Variants in ASXL1 observed in about 807,000 individuals in gnomAD.
ASXL1 encodes ASXL transcriptional regulator 1.
Under a neutral mutation model 89.1 loss-of-function variants are expected in ASXL1, and 65 were observed. The observed-to-expected ratio is 0.73, with a 90% CI of 0.60 to 0.90. ASXL1 has a LOEUF of 0.90. Ranked by LOEUF, ASXL1 falls within the 40% of genes least tolerant of loss-of-function variation. The pLI is 0.00. For missense variants in ASXL1, 1,786 were observed against 1,942.9 expected (o/e 0.92, Z 1.52); for synonymous variants, 739 against 746.9 (o/e 0.99, Z 0.17).
At chr20:32,404,453 A>C (rs2048922546) in intron 4 of ASXL1, among the ~76,000 whole-genome samples, 1 of 152,184 alleles carries the variant, frequency 6.6e-6, no homozygotes, top group South Asian at 2.1e-4. Flanking sequence ...CTGATTGCTA[A>C]TATATAGACA....
In ASXL1 at chr20:32,434,430, A is replaced by G. The variant is rs376029425; in HGVS notation, c.1720-2A>G. The G allele has an allele frequency of 2.5e-6, 4 of 1,613,718 alleles. No individual in the cohort carries two copies. Among genetic ancestry groups the G allele is most frequent in the Non-Finnish European group, 8.5e-7 (1 of 1,180,012 alleles). ...AACTATTTTCTAATTCTTTTTTTGC[A>G]GATTCAACTTTCACGTATCAAACCA... is the stretch of plus-strand genomic sequence containing the variant. On this transcript the variant is annotated splice_acceptor_variant, in intron 12 of 12. Coordinates refer to ENST00000375687, the MANE Select transcript of ASXL1 (RefSeq NM_015338.6). LOFTEE classifies it high-confidence loss of function.
At chr20:32,421,316 A>G (rs1489047837) in intron 4 of ASXL1, among the ~76,000 whole-genome samples, 2 of 152,094 alleles carry the variant, frequency 1.3e-5, no homozygotes, top group Admixed American at 6.5e-5. Context: ...AATCATTGAA[A>G]TCTAGCACTC....
At chr20:32,410,995 GCAC>G (rs2049031719) in intron 4 of ASXL1, among the ~76,000 whole-genome samples, 3 of 133,696 alleles carry the variant, frequency 2.2e-5, no homozygotes, top group Non-Finnish European at 3.1e-5. Flanking sequence ...TCGTGCCACT[GCAC>G]TCCAGCCTGG....
chr20:32,414,160 C>A (rs949163162), intron 4 of ASXL1, among the ~76,000 whole-genome samples: 2 of 152,078 alleles, frequency 1.3e-5, no homozygotes, highest in African/African-American at 4.8e-5. Flanking sequence ...CTTTTTCATT[C>A]ATTATGCTGA....
chr20:32,392,560 C>T (rs868718114), intron 4 of ASXL1, among the ~76,000 whole-genome samples: 59 of 144,494 alleles, frequency 4.1e-4, no homozygotes, highest in African/African-American at 1.2e-3. Context: ...AAGGCCGAGG[C>T]GGGCAGATCA....
At chr20:32,407,143 AT>A (rs2048968504) in intron 4 of ASXL1, among the ~76,000 whole-genome samples, 1 of 152,162 alleles carries the variant, frequency 6.6e-6, no homozygotes, top group Non-Finnish European at 1.5e-5. Context: ...GGAGTTTGAG[AT>A]TAGCCTGGTC....
At chr20:32,387,730 C>G (rs1007767787) in intron 4 of ASXL1, among the ~76,000 whole-genome samples, 1 of 152,170 alleles carries the variant, frequency 6.6e-6, no homozygotes, top group Admixed American at 6.5e-5. Context: ...CTTTGCTTCT[C>G]CATTTGTTTC....
At chr20:32,413,245 A>G (rs1416616471) in intron 4 of ASXL1, among the ~76,000 whole-genome samples, 3 of 152,234 alleles carry the variant, frequency 2.0e-5, no homozygotes, top group African/African-American at 4.8e-5. Context: ...TACAAAAAGA[A>G]ACACAAGAAG....
In ASXL1 at chr20:32,434,481, C is replaced by CT; in HGVS notation, c.1771dup (p.Tyr591LeufsTer28). ...CCCTGGGTGGTTAAAGGTCAGCCCACTTACCAGATATGCCCCCGGATCATC... is the reference window on the plus strand; with the variant it reads ...CCCTGGGTGGTTAAAGGTCAGCCCACTTTACCAGATATGCCCCCGGATCATC... On this transcript the variant is annotated frameshift_variant, in exon 13 of 13. Coordinates refer to ENST00000375687, the MANE Select transcript of ASXL1 (RefSeq NM_015338.6). LOFTEE classifies it low-confidence loss of function (END_TRUNC). The CT allele has an allele frequency of 1.2e-6, 2 of 1,614,142 alleles. No homozygotes were observed. The highest frequency in any genetic ancestry group is 8.5e-7 in the Non-Finnish European group (1 of 1,180,030).
At chr20:32,412,302 G>A (rs1294424962) in intron 4 of ASXL1, among the ~76,000 whole-genome samples, 1 of 152,140 alleles carries the variant, frequency 6.6e-6, no homozygotes, top group African/African-American at 2.4e-5. Context: ...CTCAGTTTTA[G>A]TATAAACACT....
intron 1 of ASXL1, among the ~76,000 whole-genome samples, chr20:32,365,712 G>A (rs1272625829): frequency 6.6e-6 from 1 of 152,192 alleles, no homozygotes; most frequent in African/African-American, 2.4e-5. Context: ...TATAGGTGAT[G>A]CTAACATAAA....
chr20:32,439,147 A>T lies in ASXL1; in HGVS notation c.*1809A>T. The T allele has an allele frequency of 4.3e-6, 1 of 233,596 alleles. No individual in the cohort carries two copies. The highest frequency in any genetic ancestry group is 8.5e-6 in the Non-Finnish European group (1 of 117,994). 14.5% of individuals were successfully genotyped at this position (233,596 alleles called of 1,614,324 possible). On this transcript the variant is annotated 3_prime_UTR_variant, in exon 13 of 13. Transcript: ENST00000375687. ...GTCAACTTAAGCGTCTGTTTACCAA[A>T]GACCGGGAACAGGGGCCCAAACATG...
chr20:32,361,111 G>A (rs1209639226), intron 1 of ASXL1, among the ~76,000 whole-genome samples: 1 of 152,142 alleles, frequency 6.6e-6, no homozygotes, highest in East Asian at 1.9e-4. Context: ...GACTTTGGGA[G>A]TCTGAGGTGG....
At position 32,429,158 on chromosome 20, in the gene ASXL1, C is replaced by A; in HGVS notation, c.472-180C>A. 3.0e-6 allele frequency: 2 copies of A among 665,414 alleles called. No homozygotes were observed. The highest frequency in any genetic ancestry group is 1.7e-5 in the South Asian group (1 of 60,002). The allele number at this position is 665,414 out of a possible 1,614,324, so 41.2% of individuals were successfully genotyped here. A position where few individuals can be genotyped will look rare whatever the true frequency, so the allele number is the denominator to read the frequency against. ...TTTTGTAGCTTGGAATGATGCTTGG[C>A]ACAGTGACCAGCACGTAGCTCAGTA... is the stretch of plus-strand genomic sequence containing the variant. On this transcript the variant is annotated intron_variant, in intron 6 of 12. Coordinates refer to ENST00000375687, the MANE Select transcript of ASXL1 (RefSeq NM_015338.6). The surrounding 1 kb of genome is among the most constrained non-coding windows in gnomAD (Gnocchi z 4.9).
intron 4 of ASXL1, among the ~76,000 whole-genome samples, chr20:32,370,853 C>T (rs2122847841): frequency 6.6e-6 from 1 of 150,890 alleles, no homozygotes; most frequent in East Asian, 2.0e-4. Flanking sequence ...CCACTGAGCC[C>T]AAAACCTAGC....
intron 1 of ASXL1, among the ~76,000 whole-genome samples, chr20:32,361,046 C>T (rs2048101477): frequency 6.6e-6 from 1 of 151,730 alleles, no homozygotes; most frequent in African/African-American, 2.4e-5. Flanking sequence ...CGCGCCCAGC[C>T]TATGAGTAGG....
chr20:32,359,041 G>GCGCCCCCCC (rs1370445899), intron 1 of ASXL1: 114 of 606,304 alleles, frequency 1.9e-4, no homozygotes, highest in Middle Eastern at 1.8e-3. Flanking sequence ...GCTCGCCCTC[G>GCGCCCCCCC]CGCCCCCCCC....
chr20:32,358,996 G>A, intron 1 of ASXL1, 164 bp downstream of exon 1: 2 of 759,550 alleles, frequency 2.6e-6, no homozygotes, highest in African/African-American at 1.8e-5. Context: ...GGGGTGGGGA[G>A]CGCTCCGCCG....
chr20:32,415,475 A>C lies in ASXL1; in HGVS notation c.253-12653A>C, dbSNP rs12479717. Among the ~76,000 whole-genome samples the C allele has an allele frequency of 1.3e-5, 2 of 152,142 alleles. 1 individual carries two copies. Among genetic ancestry groups the C allele is most frequent in the South Asian group, 4.1e-4 (2 of 4,832 alleles). On this transcript the variant is annotated intron_variant, in intron 4 of 12. Coordinates refer to ENST00000375687, the MANE Select transcript of ASXL1 (RefSeq NM_015338.6). ...GAGTGGGAGAAGGGTGTATTGCCTT[A>C]CTGTTTAGGGACAGGAAGGAGACCT...
Sources: allele counts gnomAD v4.1 joint callset (sites outside exome capture counted in the v4.1 genomes callset), GRCh38; gene constraint gnomAD v4.1.1; non-coding constraint Gnocchi (gnomAD v3.1); transcripts MANE v1.5; gene names NCBI Gene and HGNC (gene_info 2026-07-23, HGNC 2026-07-21).